Variants in ZKSCAN1 observed in about 807,000 individuals in gnomAD.
The protein encoded by ZKSCAN1 is zinc finger protein with KRAB and SCAN domains 1.
A neutral mutation model predicts 51.6 loss-of-function variants in ZKSCAN1; 14 were observed. The ratio of observed to expected loss-of-function variants is 0.27; its 90% CI spans 0.18 to 0.42. ZKSCAN1 has a LOEUF of 0.42. ZKSCAN1 is among the 10% of genes least tolerant of loss of function. ZKSCAN1 has a pLI of 1.00. For synonymous variants in ZKSCAN1, 263 were observed against 261.5 expected, an observed-to-expected ratio of 1.01 and a Z score of -0.06; for missense variants, 531 against 710.0, an observed-to-expected ratio of 0.75 and a Z score of 2.86.
At position 100,040,602 on chromosome 7, in the gene ZKSCAN1, A is replaced by G. The variant is rs1791552630; in HGVS notation, c.*6405A>G. On this transcript the variant is annotated 3_prime_UTR_variant, in exon 6 of 6. Transcript: ENST00000324306. ...GGGTCCAAGCAGCCACAGTTGCCCTAAATCTCCATCATTAAGTCTTCCAGC... is the reference window on the plus strand; with the variant it reads ...GGGTCCAAGCAGCCACAGTTGCCCTGAATCTCCATCATTAAGTCTTCCAGC... 1.0e-6 allele frequency: 1 copy of G among 985,318 alleles called. No individual in the cohort carries two copies. Among genetic ancestry groups the G allele is most frequent in the Admixed American group, 6.2e-5 (1 of 16,260 alleles). 61.0% of individuals were successfully genotyped at this position (985,318 alleles called of 1,614,324 possible).
At chr7:100,023,335 G>A (rs954400986) in intron 1 of ZKSCAN1, 84 bp from the exon 2 acceptor site, 11 of 704,352 alleles carry the variant, frequency 1.6e-5, no homozygotes, top group South Asian at 4.4e-5. Flanking sequence ...ATAGTGCCTC[G>A]ATGTGCTGCC....
At chr7:100,031,912 T>C (rs1461125741) in intron 5 of ZKSCAN1, among the ~76,000 whole-genome samples, 2 of 152,082 alleles carry the variant, frequency 1.3e-5, no homozygotes, top group African/African-American at 2.4e-5. Flanking sequence ...CCACTGTCTC[T>C]ACAAAAAAAT....
chr7:100,017,368 A>G (rs1790413628), intron 1 of ZKSCAN1, among the ~76,000 whole-genome samples: 1 of 152,126 alleles, frequency 6.6e-6, no homozygotes, highest in Non-Finnish European at 1.5e-5. Flanking sequence ...GACTACAGGC[A>G]TGTGTCCCAA....
chr7:100,044,796 C>T, downstream of ZKSCAN1: 1 of 985,050 alleles, frequency 1.0e-6, no homozygotes. Context: ...AATGTCTTTG[C>T]AGCTTTCCAA....
Position 100,024,187 on chromosome 7 carries a change from G to T in ZKSCAN1, c.460G>T (p.Ala154Ser). 1 of 1,614,028 alleles carries T rather than the reference G, an allele frequency of 6.2e-7. No individual in the cohort carries two copies. The highest frequency in any genetic ancestry group is 8.5e-7 in the Non-Finnish European group (1 of 1,179,982). ...TCAAGTTCATGGACCTGAGATGCTC[G>T]CAAGGGGGATGGTGCCTCTGGATCC... is the stretch of plus-strand genomic sequence containing the variant. ...PGQVHGPEML[A>S]RGMVPLDPVQ... is the part of the protein sequence containing the mutation. Residue 154 changes from alanine to serine, a missense_variant, in exon 3 of 6, where the codon GCA becomes TCA. This residue lies in a region of ZKSCAN1 where 403 missense variants were observed against 490.5 expected (regional missense o/e 0.82). Transcript: ENST00000324306.
chr7:100,042,416 C>G (rs1791622628), downstream of ZKSCAN1, among the ~76,000 whole-genome samples: 1 of 151,738 alleles, frequency 6.6e-6, no homozygotes, highest in South Asian at 2.1e-4. Context: ...ACACTTCTGA[C>G]ACAATGTGGG....
At position 100,023,588 on chromosome 7, in the gene ZKSCAN1, G is replaced by T; in HGVS notation, c.82G>T (p.Val28Leu). Residue 28 changes from valine to leucine, a missense_variant, in exon 2 of 6, where the codon GTG becomes TTG. By Grantham distance (32) the Val-to-Leu change is conservative. Coordinates refer to ENST00000324306, the MANE Select transcript of ZKSCAN1 (RefSeq NM_003439.4). ...GAAGGATGGTATCGTAATAGTGAAG[G>T]TGGAAGAGGAAGATGAGGAAGACCA... ...QEKDGIVIVK[V>L]EEEDEEDHMW... is the part of the protein sequence containing the mutation. 1 of 1,613,918 alleles carries T rather than the reference G, an allele frequency of 6.2e-7. No individual in the cohort carries two copies. Among genetic ancestry groups the T allele is most frequent in the South Asian group, 1.1e-5 (1 of 91,062 alleles).
At chr7:100,029,517 T>C (rs1791008750) in intron 3 of ZKSCAN1, among the ~76,000 whole-genome samples, 1 of 152,162 alleles carries the variant, frequency 6.6e-6, no homozygotes, top group African/African-American at 2.4e-5. Context: ...GTACCCACTT[T>C]TATAGCTGAG....
Position 100,033,216 on chromosome 7 carries a change from T to G in ZKSCAN1, c.800-89T>G. 6.8e-7 allele frequency: 1 copy of G among 1,473,010 alleles called. No homozygotes were observed. Among genetic ancestry groups the G allele is most frequent in the Non-Finnish European group, 8.9e-7 (1 of 1,118,286 alleles). The allele number at this position is 1,473,010 out of a possible 1,614,324, so 91.2% of individuals were successfully genotyped here. A position where few individuals can be genotyped will look rare whatever the true frequency, so the allele number is the denominator to read the frequency against. ...ATATTGCAAAGTCATTTTGCAGCCG[T>G]GTAGAAGCTTCTCGGGAAACTGTCG... On this transcript the variant is annotated intron_variant, in intron 5 of 5. Transcript: ENST00000324306. This position sits in a 1 kb window ranked among gnomAD's most constrained non-coding sequence, Gnocchi z 4.1.
At position 100,016,134 on chromosome 7, in the gene ZKSCAN1, T is replaced by C. The variant is rs1019996974; in HGVS notation, c.-89+408T>C. Reference sequence around the variant, plus strand: ...CTTTGATTCCGGTGAGGTGTCTTTTTCCCCCCCCGGTTCCTTCGGGACCTC... The same window carrying C: ...CTTTGATTCCGGTGAGGTGTCTTTTCCCCCCCCCGGTTCCTTCGGGACCTC... On this transcript the variant is annotated intron_variant, in intron 1 of 5. Transcript: ENST00000324306. Among the ~76,000 whole-genome samples the C allele has an allele frequency of 2.6e-4, 39 of 151,146 alleles. 1 individual carries two copies. The highest frequency in any genetic ancestry group is 1.4e-3 in the East Asian group (7 of 5,126).
chr7:100,029,734 T>C, intron 3 of ZKSCAN1, 127 bp from the exon 4 acceptor site: 1 of 813,660 alleles, frequency 1.2e-6, no homozygotes, highest in Non-Finnish European at 1.9e-6. Context: ...TGTCTGGAAT[T>C]CTGTATTTGG....
chr7:100,029,720 G>A (rs1791018797), intron 3 of ZKSCAN1, 141 bp from the exon 4 acceptor site: 4 of 716,356 alleles, frequency 5.6e-6, no homozygotes, highest in Admixed American at 2.9e-5. Context: ...TCTCTCGTTT[G>A]TGTTGTCTGG....
chr7:100,041,763 GA>G (rs1047531022), downstream of ZKSCAN1: 9 of 981,930 alleles, frequency 9.2e-6, no homozygotes, highest in South Asian at 9.4e-5. Flanking sequence ...TGGGGGTGAA[GA>G]AAAAAAAGTA....
At chr7:100,016,361 G>A (rs1420087920) in intron 1 of ZKSCAN1, among the ~76,000 whole-genome samples, 1 of 152,082 alleles carries the variant, frequency 6.6e-6, no homozygotes. Context: ...GGAATGCTTT[G>A]AAGGCTTTGG....
chr7:100,040,614 T>C lies in ZKSCAN1; in HGVS notation c.*6417T>C, dbSNP rs1196824496. The stretch of plus-strand genomic sequence containing the variant: ...CCACAGTTGCCCTAAATCTCCATCA[T>C]TAAGTCTTCCAGCAAGGTTAAGTGC... On this transcript the variant is annotated 3_prime_UTR_variant, in exon 6 of 6. Transcript: ENST00000324306. 7 of 985,240 alleles carry C rather than the reference T, an allele frequency of 7.1e-6. No individual in the cohort carries two copies. Among genetic ancestry groups the C allele is most frequent in the Admixed American group, 6.2e-5 (1 of 16,250 alleles). The allele number at this position is 985,240 out of a possible 1,614,324, so 61.0% of individuals were successfully genotyped here. A position where few individuals can be genotyped will look rare whatever the true frequency, so the allele number is the denominator to read the frequency against.
chr7:100,041,252 G>C lies in ZKSCAN1; in HGVS notation c.*7055G>C, dbSNP rs1334040218. 1 of 929,196 alleles carries C rather than the reference G, an allele frequency of 1.1e-6. No individual in the cohort carries two copies. Among genetic ancestry groups the C allele is most frequent in the Non-Finnish European group, 1.3e-6 (1 of 778,954 alleles). 57.6% of individuals were successfully genotyped at this position (929,196 alleles called of 1,614,324 possible). ...ATACCCGCAGAATGAAGTTACTGTTGTTAAAACTGGATTTTTTCATTTTAC... is the reference window on the plus strand; with the variant it reads ...ATACCCGCAGAATGAAGTTACTGTTCTTAAAACTGGATTTTTTCATTTTAC... On this transcript the variant is annotated 3_prime_UTR_variant, in exon 6 of 6. Coordinates refer to ENST00000324306, the MANE Select transcript of ZKSCAN1 (RefSeq NM_003439.4).
In ZKSCAN1 at chr7:100,039,527, A is replaced by T; in HGVS notation, c.*5330A>T. 1 of 985,174 alleles carries T rather than the reference A, an allele frequency of 1.0e-6. No individual in the cohort carries two copies. The highest frequency in any genetic ancestry group is 1.2e-6 in the Non-Finnish European group (1 of 829,876). The allele number at this position is 985,174 out of a possible 1,614,324, so 61.0% of individuals were successfully genotyped here. A position where few individuals can be genotyped will look rare whatever the true frequency, so the allele number is the denominator to read the frequency against. Reference sequence around the variant, plus strand: ...CCCTGGTTTGTGATTATTAGGAGAGAGGTTTTGCAAAGACTCGTTGCTGTG... The same window carrying T: ...CCCTGGTTTGTGATTATTAGGAGAGTGGTTTTGCAAAGACTCGTTGCTGTG... On this transcript the variant is annotated 3_prime_UTR_variant, in exon 6 of 6. Transcript: ENST00000324306.
chr7:100,023,786 C>A lies in ZKSCAN1; in HGVS notation c.280C>A (p.Gln94Lys), dbSNP rs758322939. 9 of 1,614,192 alleles carry A rather than the reference C, an allele frequency of 5.6e-6. No individual in the cohort carries two copies. The highest frequency in any genetic ancestry group is 2.5e-6 in the Non-Finnish European group (3 of 1,180,028). Residue 94 changes from glutamine (Q) to lysine (K), a missense_variant, in exon 2 of 6, where the codon CAG becomes AAG. This residue lies in a region of ZKSCAN1 where 403 missense variants were observed against 490.5 expected (regional missense o/e 0.82). Transcript: ENST00000324306. ...GCGGCCAGAAATAAACACCAAGGAA[C>A]AGATCCTGGAGCTTCTGGTGCTAGA... ...WLRPEINTKEQILELLVLEQF... is the reference protein window; with the variant it reads ...WLRPEINTKEKILELLVLEQF...
At position 100,029,898 on chromosome 7, in the gene ZKSCAN1, G is replaced by A; in HGVS notation, c.618G>A (p.Glu206=). ...PAAHIPAPPH[E]GSPRDQAMAS... is the part of the protein sequence containing the mutation. ...CCCACATTCCTGCACCCCCTCATGA[G>A]GGTAGTCCCAGAGACCAGGCGATGG... Residue 206 remains glutamate, a synonymous_variant, in exon 4 of 6, where the codon GAG becomes GAA. Coordinates refer to ENST00000324306, the MANE Select transcript of ZKSCAN1 (RefSeq NM_003439.4). The A allele has an allele frequency of 6.2e-7, 1 of 1,614,122 alleles. No homozygotes were observed. The highest frequency in any genetic ancestry group is 8.5e-7 in the Non-Finnish European group (1 of 1,180,018).
Sources: allele counts gnomAD v4.1 joint callset (sites outside exome capture counted in the v4.1 genomes callset), GRCh38; gene constraint gnomAD v4.1.1; regional missense constraint gnomAD v4.1.1; non-coding constraint Gnocchi (gnomAD v3.1); transcripts MANE v1.5; gene names NCBI Gene and HGNC (gene_info 2026-07-23, HGNC 2026-07-21).